CORO1B: variants seen among roughly 807,000 people sequenced by gnomAD.
CORO1B encodes coronin 1B.
CORO1B carries 30 observed loss-of-function variants against 51.1 expected under a neutral mutation model. That is an observed-to-expected ratio of 0.59 (90% confidence interval 0.44 to 0.80). The LOEUF is 0.80. CORO1B is among the 30% of genes least tolerant of loss of function. The pLI is 0.00. For synonymous variants in CORO1B, 310 were observed against 289.7 expected (o/e 1.07, Z -0.71); for missense variants, 648 against 700.4 (o/e 0.93, Z 0.84).
chr11:67,438,916 T>C lies in CORO1B; in HGVS notation c.1099A>G (p.Thr367Ala). 3 of 1,609,506 alleles carry C rather than the reference T, an allele frequency of 1.9e-6. No homozygotes were observed. Among genetic ancestry groups the C allele is most frequent in the Admixed American group, 1.7e-5 (1 of 59,726 alleles). ...TCCAGGGCTGCCTCGGGCCCGGCTG[T>C]GTCGGGGTACAGATCATCCTGGAAG... The part of the protein sequence containing the change: ...DLFQDDLYPD[T>A]AGPEAALEAE... The change falls in exon 10 of 11, where the codon ACA becomes GCA. Residue 367 changes from threonine (T) to alanine (A), a missense_variant. Thr to Ala is a moderately conservative substitution (Grantham distance 58, BLOSUM62 0). Transcript: ENST00000341356.
chr11:67,443,556 C>T (rs867584041), upstream of CORO1B: 386 of 742,482 alleles, frequency 5.2e-4, 2 homozygotes, highest in Middle Eastern at 5.4e-3. Flanking sequence ...CGAGGTCACG[C>T]GCGGAGGGGC....
In CORO1B at chr11:67,435,816, G is replaced by T; in HGVS notation, c.*2560C>A. On this transcript the variant is annotated 3_prime_UTR_variant, in exon 11 of 11. Transcript: ENST00000341356. ...GCTGCGCTGCCAGCAAAGGCGTGCA[G>T]GTCACTCAGCAGGGCCTCAGCACTG... 6.2e-7 allele frequency: 1 copy of T among 1,603,860 alleles called. No homozygotes were observed. Among genetic ancestry groups the T allele is most frequent in the Non-Finnish European group, 8.5e-7 (1 of 1,176,446 alleles).
chr11:67,442,580 C>T lies in CORO1B; in HGVS notation c.49G>A (p.Gly17Arg), dbSNP rs752307054. 2 of 1,613,750 alleles carry T rather than the reference C, an allele frequency of 1.2e-6. No homozygotes were observed. The highest frequency in any genetic ancestry group is 1.3e-5 in the African/African-American group (1 of 75,054). ...VRQSKFRHVF[G>R]QPVKNDQCYE... The stretch of plus-strand genomic sequence containing the variant: ...CACTGGTCGTTCTTGACCGGCTGCC[C>T]GAACACATGCCGGAATTTGCTCTGC... The change falls in exon 2 of 11, where the codon GGG becomes AGG. Residue 17 changes from glycine to arginine, a missense_variant. Physicochemically the swap from Gly to Arg is moderately radical, Grantham distance 125 (BLOSUM62 -2). Coordinates refer to ENST00000341356, the MANE Select transcript of CORO1B (RefSeq NM_020441.3).
intron 2 of CORO1B, 98 bp downstream of exon 2, chr11:67,442,330 G>C: frequency 7.3e-7 from 1 of 1,362,612 alleles, no homozygotes; most frequent in South Asian, 1.3e-5. Context: ...CTGCCCAGCA[G>C]TGTGAGAAAC....
In CORO1B at chr11:67,437,462, G is replaced by A; in HGVS notation, c.*914C>T. 1 of 909,756 alleles carries A rather than the reference G, an allele frequency of 1.1e-6. No individual in the cohort carries two copies. The highest frequency in any genetic ancestry group is 3.1e-5 in the East Asian group (1 of 31,992). The allele number at this position is 909,756 out of a possible 1,614,324, so 56.4% of individuals were successfully genotyped here. On this transcript the variant is annotated 3_prime_UTR_variant, in exon 11 of 11. Transcript: ENST00000341356. ...TGGAGTCCCAGGGAGCCCAGCTCAG[G>A]TGAGAGAAAGGTTCAGCCTCTGCCA...
intron 7 of CORO1B, 32 bp from the exon 8 acceptor site, chr11:67,440,295 C>T (rs371606632): frequency 1.1e-5 from 17 of 1,612,494 alleles, no homozygotes; most frequent in East Asian, 6.7e-5. Context: ...CACCTGGGCA[C>T]GCCTCTTCCC....
chr11:67,440,988 C>CA (rs1455027083), intron 6 of CORO1B, 137 bp downstream of exon 6: 2 of 1,318,628 alleles, frequency 1.5e-6, no homozygotes, highest in African/African-American at 2.9e-5. Context: ...GAAAGTCTGA[C>CA]AGAGTCCTAG....
chr11:67,441,037 A>G (rs1590986977), intron 6 of CORO1B, 88 bp downstream of exon 6: 2 of 1,592,884 alleles, frequency 1.3e-6, no homozygotes, highest in Admixed American at 1.7e-5. Context: ...GAAGCTAGGA[A>G]CCACAGGCCT....
Position 67,438,747 on chromosome 11 carries a change from G to T in CORO1B, c.1268C>A (p.Ser423Tyr), listed in dbSNP as rs542125021. Residue 423 changes from serine to tyrosine, a missense_variant, in exon 10 of 11, where the codon TCC (serine) becomes TAC (tyrosine). Coordinates refer to ENST00000341356, the MANE Select transcript of CORO1B (RefSeq NM_020441.3). ...SDSRPAMAPG[S>Y]SHLGAPASTT... Reference sequence around the variant, plus strand: ...GGAGGCGGGGGCCCCTAGGTGGGAGGAGCCCGGGGCCATGGCGGGCCGGCT... The same window carrying T: ...GGAGGCGGGGGCCCCTAGGTGGGAGTAGCCCGGGGCCATGGCGGGCCGGCT... 1.1e-4 allele frequency: 172 copies of T among 1,556,052 alleles called. No individual in the cohort carries two copies. The highest frequency in any genetic ancestry group is 1.4e-4 in the Non-Finnish European group (162 of 1,154,150).
rs1864313708 is a variant in CORO1B, at chr11:67,437,641, C to T, written c.*735G>A. 1 of 1,365,482 alleles carries T rather than the reference C, an allele frequency of 7.3e-7. No individual in the cohort carries two copies. The highest frequency in any genetic ancestry group is 9.5e-7 in the Non-Finnish European group (1 of 1,050,724). 84.6% of individuals were successfully genotyped at this position (1,365,482 alleles called of 1,614,324 possible). ...CCATTGGTCCGCAGGCCCCTCCGTG[C>T]CGGGCACCCACCTCCAGCTCTGGCT... On this transcript the variant is annotated 3_prime_UTR_variant, in exon 11 of 11. Coordinates refer to ENST00000341356, the MANE Select transcript of CORO1B (RefSeq NM_020441.3).
intron 6 of CORO1B, chr11:67,440,745 C>T (rs1436786923): frequency 1.5e-6 from 1 of 651,820 alleles, no homozygotes; most frequent in Non-Finnish European, 2.8e-6. Context: ...AGCCCCTGCT[C>T]AAGGTGCCCT....
rs1012994254 is a variant in CORO1B at position 67,437,187 on chromosome 11, G to C, written c.*1189C>G. On this transcript the variant is annotated 3_prime_UTR_variant, in exon 11 of 11. Coordinates refer to ENST00000341356, the MANE Select transcript of CORO1B (RefSeq NM_020441.3). ...CTCCCAGTCCCTGAGGGCCACAGGC[G>C]TGCAGGGCCGGGGGCTGGGGGGGGC... 1 of 161,768 alleles carries C rather than the reference G, an allele frequency of 6.2e-6. No individual in the cohort carries two copies. Among genetic ancestry groups the C allele is most frequent in the Admixed American group, 6.4e-5 (1 of 15,556 alleles). 10.0% of individuals were successfully genotyped at this position (161,768 alleles called of 1,614,324 possible).
At position 67,438,175 on chromosome 11, in the gene CORO1B, T is replaced by C. The variant is rs2135139301; in HGVS notation, c.*201A>G. ...TCCCTCAGAGGTCGAGGAGCTCGCC[T>C]GGGCGTAGACATCCTCCACAGGAAC... On this transcript the variant is annotated 3_prime_UTR_variant, in exon 11 of 11. Coordinates refer to ENST00000341356, the MANE Select transcript of CORO1B (RefSeq NM_020441.3). 3.5e-6 allele frequency: 2 copies of C among 570,822 alleles called. No homozygotes were observed. Among genetic ancestry groups the C allele is most frequent in the East Asian group, 6.2e-5 (2 of 32,312 alleles). The allele number at this position is 570,822 out of a possible 1,614,324, so 35.4% of individuals were successfully genotyped here. A position where few individuals can be genotyped will look rare whatever the true frequency, so the allele number is the denominator to read the frequency against.
chr11:67,442,019 A>G lies in CORO1B; in HGVS notation c.271T>C (p.Cys91Arg). The G allele has an allele frequency of 6.2e-7, 1 of 1,613,202 alleles. No individual in the cohort carries two copies. The highest frequency in any genetic ancestry group is 8.5e-7 in the Non-Finnish European group (1 of 1,180,008). Residue 91 changes from cysteine (C) to arginine (R), a missense_variant, in exon 3 of 11, where the codon TGT (cysteine) becomes CGT (arginine). Transcript: ENST00000341356. ...GCTATGACTTCGTCGTTGTGAGGAC[A>G]CCAGTCGATGTCCAGGACAGGTCCC... ...HTGPVLDIDW[C>R]PHNDEVIASG...
Position 67,441,588 on chromosome 11 carries a change from T to C in CORO1B, c.455-74A>G. The C allele has an allele frequency of 1.9e-6, 3 of 1,562,812 alleles. No individual in the cohort carries two copies. The South Asian group carries it at 3.4e-5, about 18-fold the overall frequency. On this transcript the variant is annotated intron_variant, in intron 4 of 10. Coordinates refer to ENST00000341356, the MANE Select transcript of CORO1B (RefSeq NM_020441.3). ...ATTAGCTCACCAGGCTGAGGCCCAC[T>C]CTGCCCACCACCCTGGGACAGACGG...
chr11:67,438,283 T>G lies in CORO1B; in HGVS notation c.*93A>C. 1 of 1,501,586 alleles carries G rather than the reference T, an allele frequency of 6.7e-7. No homozygotes were observed. 93.0% of individuals were successfully genotyped at this position (1,501,586 alleles called of 1,614,324 possible). On this transcript the variant is annotated 3_prime_UTR_variant, in exon 11 of 11. Transcript: ENST00000341356. Reference sequence around the variant, plus strand: ...CTGACCCCTGCGCTGCCTCAGAGGCTCTGGGCAGCCAGCTAGCCCGGTGCG... The same window carrying G: ...CTGACCCCTGCGCTGCCTCAGAGGCGCTGGGCAGCCAGCTAGCCCGGTGCG...
At chr11:67,442,659 C>T (rs770247525) in intron 1 of CORO1B, 29 bp from the exon 2 acceptor site, 2 of 1,600,296 alleles carry the variant, frequency 1.2e-6, no homozygotes, top group African/African-American at 1.3e-5. Flanking sequence ...TGGGTCAGTC[C>T]GGCCCATCCC....
chr11:67,442,217 C>T, intron 2 of CORO1B, 129 bp from the exon 3 acceptor site: 2 of 1,470,396 alleles, frequency 1.4e-6, no homozygotes, highest in Non-Finnish European at 1.8e-6. Flanking sequence ...CCCCACTTGC[C>T]AGGTGAGCAG....
At position 67,435,720 on chromosome 11, in the gene CORO1B, C is replaced by CCAAGACCGGCCTCTACAGTGCG; in HGVS notation, c.*2634_*2655dup. ...GAGCGGCTGTGACAGGGATGGGACA[C>CCAAGACCGGCCTCTACAGTGCG]CAAGACCGGCCTCTACAGTGCGGTG... On this transcript the variant is annotated 3_prime_UTR_variant, in exon 11 of 11. Transcript: ENST00000341356. The CCAAGACCGGCCTCTACAGTGCG allele has an allele frequency of 6.6e-7, 1 of 1,504,690 alleles. No individual in the cohort carries two copies. Among genetic ancestry groups the CCAAGACCGGCCTCTACAGTGCG allele is most frequent in the Non-Finnish European group, 8.8e-7 (1 of 1,131,058 alleles). The allele number at this position is 1,504,690 out of a possible 1,614,324, so 93.2% of individuals were successfully genotyped here. A position where few individuals can be genotyped will look rare whatever the true frequency, so the allele number is the denominator to read the frequency against.
Sources: gnomAD v4.1 joint callset for allele counts on GRCh38, gnomAD v4.1.1 for gene constraint, MANE v1.5 for transcripts, NCBI Gene and HGNC (gene_info 2026-07-23, HGNC 2026-07-21) for gene names.